The following RYR3 variants were observed in gnomAD, a reference collection of about 807,000 sequenced individuals.
The protein encoded by RYR3 is brain ryanodine receptor-calcium release channel.
In RYR3, 207 loss-of-function variants were observed where a neutral mutation model predicts 584.3. The ratio of observed to expected loss-of-function variants is 0.35; its 90% CI spans 0.32 to 0.40. The LOEUF (loss-of-function observed/expected upper bound fraction) is 0.40. RYR3 is among the 10% of genes least tolerant of loss of function. RYR3 has a pLI of 1.00. For synonymous variants in RYR3, 2,416 were observed against 2,248.5 expected (o/e 1.07, Z -2.11); for missense variants, 5,616 against 6,089.2 (o/e 0.92, Z 2.59).
At chr15:33,848,695 T>C (rs557658626) in intron 94 of RYR3, among the ~76,000 whole-genome samples, 162 of 152,302 alleles carry the variant, frequency 1.1e-3, no homozygotes, top group African/African-American at 3.7e-3. Flanking sequence ...AAACTAGTTT[T>C]CCATGTTCGA....
At chr15:33,533,709 A>G (rs1163815076) in intron 5 of RYR3, among the ~76,000 whole-genome samples, 1 of 152,208 alleles carries the variant, frequency 6.6e-6, no homozygotes, top group African/African-American at 2.4e-5. Flanking sequence ...AATGACTGCC[A>G]AAAAATAAAG....
In RYR3 at chr15:33,836,189, CT is replaced by C. The variant is rs11461342; in HGVS notation, c.11569-709del. 5.6e-3 allele frequency among the ~76,000 whole-genome samples: 805 copies of C among 144,984 alleles called. 7 individuals carry two copies. The highest frequency in any genetic ancestry group is 0.02 in the African/African-American group (763 of 39,114). On this transcript the variant is annotated intron_variant, in intron 87 of 103. Transcript: ENST00000634891. ...TTTTTATTATTATTTCTTTTCTTTC[CT>C]TTTTTTTGTGAGGGGGGGGTCTGTA... is the stretch of plus-strand genomic sequence containing the variant.
chr15:33,862,670 G>C (rs1212081475), intron 102 of RYR3, among the ~76,000 whole-genome samples: 2 of 152,022 alleles, frequency 1.3e-5, no homozygotes, highest in Non-Finnish European at 2.9e-5. Context: ...AAGTGCAGTG[G>C]CGCCATCTTG....
intron 67 of RYR3, among the ~76,000 whole-genome samples, chr15:33,794,110 A>ATATAAAT (rs1488725993): frequency 1.9e-5 from 1 of 52,142 alleles, no homozygotes; most frequent in East Asian, 9.7e-4. Context: ...ATATAAATAT[A>ATATAAAT]ATATACATAA....
At chr15:33,802,801 A>C (rs2075988955) in intron 69 of RYR3, among the ~76,000 whole-genome samples, 2 of 152,254 alleles carry the variant, frequency 1.3e-5, no homozygotes, top group Admixed American at 1.3e-4. Flanking sequence ...TATGTCAAGT[A>C]TAAGTGACAT....
intron 52 of RYR3, among the ~76,000 whole-genome samples, chr15:33,744,566 C>T (rs903456938): frequency 1.3e-5 from 2 of 152,186 alleles, no homozygotes; most frequent in African/African-American, 2.4e-5. Flanking sequence ...AGGATTAGAA[C>T]ACATAGGAGT....
chr15:33,511,575 G>T (rs2053008437), intron 3 of RYR3, among the ~76,000 whole-genome samples: 1 of 150,880 alleles, frequency 6.6e-6, no homozygotes, highest in Non-Finnish European at 1.5e-5. Flanking sequence ...TGAGTGTTCA[G>T]GGCAGTTTCC....
At chr15:33,717,151 C>T (rs8038427) in intron 43 of RYR3, among the ~76,000 whole-genome samples, 3,909 of 152,260 alleles carry the variant, frequency 0.026, 168 homozygotes, top group African/African-American at 0.09. Flanking sequence ...ACTGCACCAT[C>T]CACCCTGCAT....
chr15:33,317,748 T>C (rs986934725), intron 1 of RYR3, among the ~76,000 whole-genome samples: 7 of 152,204 alleles, frequency 4.6e-5, no homozygotes, highest in Admixed American at 4.6e-4. Context: ...AAAAGAGCTA[T>C]ACCTCCTCTC....
At chr15:33,559,503 C>T (rs1388348837) in intron 10 of RYR3, among the ~76,000 whole-genome samples, 4 of 152,212 alleles carry the variant, frequency 2.6e-5, no homozygotes, top group Admixed American at 2.0e-4. Flanking sequence ...ACAGCCTACA[C>T]TACCACTTTT....
chr15:33,649,010 C>A, intron 30 of RYR3, 62 bp from the exon 31 acceptor site: 1 of 1,514,582 alleles, frequency 6.6e-7, no homozygotes, highest in Non-Finnish European at 9.0e-7. Context: ...CCTCTTGGGC[C>A]CCCTATCTTC....
chr15:33,503,103 G>A (rs2052146207), intron 2 of RYR3, among the ~76,000 whole-genome samples: 1 of 152,108 alleles, frequency 6.6e-6, no homozygotes, highest in South Asian at 2.1e-4. Flanking sequence ...TAAAGTTCTG[G>A]ACATTCCTTT....
At chr15:33,408,887 A>T (rs1468012464) in intron 1 of RYR3, among the ~76,000 whole-genome samples, 1 of 152,192 alleles carries the variant, frequency 6.6e-6, no homozygotes, top group East Asian at 1.9e-4. Flanking sequence ...AAACAAATGG[A>T]TCTTTAATAT....
chr15:33,477,191 T>A (rs2049458609), intron 2 of RYR3, among the ~76,000 whole-genome samples: 1 of 152,132 alleles, frequency 6.6e-6, no homozygotes, highest in Non-Finnish European at 1.5e-5. Flanking sequence ...TGGGCATTTC[T>A]AGTCAAGGGT....
chr15:33,465,444 G>T (rs948100146), intron 1 of RYR3, among the ~76,000 whole-genome samples: 4 of 152,032 alleles, frequency 2.6e-5, no homozygotes, highest in Non-Finnish European at 5.9e-5. Flanking sequence ...GCATGCAAAG[G>T]TTCCCTTTTT....
chr15:33,605,113 G>T (rs190546479), intron 18 of RYR3, among the ~76,000 whole-genome samples: 7 of 152,104 alleles, frequency 4.6e-5, no homozygotes, highest in African/African-American at 1.7e-4. Context: ...CCCTTGTTTC[G>T]AAGAGAAACT....
chr15:33,731,782 C>T, intron 48 of RYR3, 88 bp downstream of exon 48: 1 of 905,554 alleles, frequency 1.1e-6, no homozygotes, highest in Non-Finnish European at 1.8e-6. Context: ...GTGGTCTAGT[C>T]TAAGGAAGCT....
intron 70 of RYR3, 127 bp from the exon 71 acceptor site, chr15:33,810,352 T>C (rs1266919076): frequency 2.4e-6 from 2 of 820,272 alleles, no homozygotes; most frequent in Non-Finnish European, 3.8e-6. Flanking sequence ...TTCACTGTCC[T>C]TTGAAGTGTA....
intron 67 of RYR3, among the ~76,000 whole-genome samples, chr15:33,795,819 C>T (rs1399622245): frequency 6.6e-6 from 1 of 152,178 alleles, no homozygotes; most frequent in African/African-American, 2.4e-5. Context: ...GCATGAGCCA[C>T]CGCACCCGAC....
Sources: allele counts gnomAD v4.1 joint callset (sites outside exome capture counted in the v4.1 genomes callset), GRCh38; gene constraint gnomAD v4.1.1; transcripts MANE v1.5; gene names NCBI Gene and HGNC (gene_info 2026-07-23, HGNC 2026-07-21).